The following PDIA2 variants were observed in gnomAD, a reference collection of about 807,000 sequenced individuals.
PDIA2 encodes the protein protein disulfide-isomerase A2.
In PDIA2, 76 loss-of-function variants were observed where a neutral mutation model predicts 51.1. That is an observed-to-expected ratio of 1.49 (90% CI 1.24 to 1.80). The LOEUF (loss-of-function observed/expected upper bound fraction) is 1.80, where lower values mean the gene tolerates loss of function less well. Among genes scored for constraint, PDIA2 ranks in the 40% most tolerant of loss-of-function variants. The pLI is 0.00. For synonymous variants in PDIA2, 429 were observed against 309.9 expected (o/e 1.38, Z -4.04); for missense variants, 946 against 706.5 (o/e 1.34, Z -3.84).
chr16:284,484 G>C lies in PDIA2; in HGVS notation c.297G>C (p.Lys99Asn). 1 of 1,609,166 alleles carries C rather than the reference G, an allele frequency of 6.2e-7. No individual in the cohort carries two copies. The highest frequency in any genetic ancestry group is 8.5e-7 in the Non-Finnish European group (1 of 1,178,548). The change falls in exon 2 of 11, where the codon AAG becomes AAC. Residue 99 changes from lysine to asparagine, a missense_variant. By Grantham distance (94) the Lys-to-Asn change is moderately conservative (BLOSUM62 0). Transcript: ENST00000219406. ...AAESMVVTLAKVDGPAQRELA... is the reference protein window; with the variant it reads ...AAESMVVTLANVDGPAQRELA... Reference sequence around the variant, plus strand: ...AGTCAATGGTGGTCACGCTGGCCAAGGTGGATGGGCCCGCGCAGCGCGAGC... The same window carrying C: ...AGTCAATGGTGGTCACGCTGGCCAACGTGGATGGGCCCGCGCAGCGCGAGC...
At chr16:286,087 CAAACCCCACAGTTCTCCCTCCCCCCACT>C (rs1358513903) in intron 7 of PDIA2, among the ~76,000 whole-genome samples, 11 of 120,138 alleles carry the variant, frequency 9.2e-5, no homozygotes, top group Non-Finnish European at 1.9e-4. Flanking sequence ...CTCCCCCCAC[CAAACCCCACAGTTCTCCCTCCCCCCACT>C]AAACCCCACA....
intron 1 of PDIA2, 111 bp downstream of exon 1, chr16:283,479 C>A (rs1226173832): frequency 8.4e-7 from 1 of 1,186,676 alleles, no homozygotes; most frequent in East Asian, 2.7e-5. Context: ...AGGGGCCTCC[C>A]CGCAGGCACT....
rs432925 is a variant in PDIA2, at chr16:284,580, G to C, written c.393G>C (p.Pro131=). 439,324 of 1,611,126 alleles carry C rather than the reference G, an allele frequency of 0.27. 60,844 individuals are homozygous for C. Among genetic ancestry groups the C allele is most frequent in the Middle Eastern group, 0.34 (2,079 of 6,056 alleles). ...KFFRNGNRTH[P]EEYTGPRDAE... Reference sequence around the variant, plus strand: ...TCCGCAATGGGAACCGCACGCACCCGGAGGAGTACACAGGTGAGGGGCAGG... The same window carrying C: ...TCCGCAATGGGAACCGCACGCACCCCGAGGAGTACACAGGTGAGGGGCAGG... The change falls in exon 2 of 11, where the codon CCG becomes CCC. Residue 131 remains proline (P), a synonymous_variant. Transcript: ENST00000219406.
intron 1 of PDIA2, 32 bp downstream of exon 1, chr16:283,400 G>C: frequency 1.3e-6 from 2 of 1,538,430 alleles, no homozygotes; most frequent in Non-Finnish European, 1.8e-6. Flanking sequence ...GCTGGGGACC[G>C]GCGGGGGACC....
At chr16:283,431 C>A (rs2052312469) in intron 1 of PDIA2, 63 bp downstream of exon 1, 2 of 1,485,154 alleles carry the variant, frequency 1.3e-6, no homozygotes, top group Admixed American at 4.7e-5. Context: ...ACCTGGGGGC[C>A]CCACCCTTTG....
intron 10 of PDIA2, 36 bp from the exon 11 acceptor site, chr16:287,033 A>G (rs773507525): frequency 1.9e-6 from 3 of 1,612,600 alleles, no homozygotes; most frequent in South Asian, 1.1e-5. Context: ...GTAGGCTGGG[A>G]GCAGAGCTTC....
At position 285,020 on chromosome 16, in the gene PDIA2, G is replaced by T. The variant is rs374558860; in HGVS notation, c.678+5G>T. ...ACTGTGGTTCTCTTCAAGAAGGTAG[G>T]TCAGGCCCAGGTGTGGGTTGGGGTC... On this transcript the variant is annotated splice_donor_5th_base_variant and intron_variant, in intron 4 of 10. Transcript: ENST00000219406. 6.2e-6 allele frequency: 10 copies of T among 1,613,202 alleles called. No individual in the cohort carries two copies. The African/African-American group carries it at 1.3e-4, about 22-fold the overall frequency.
At position 286,830 on chromosome 16, in the gene PDIA2, C is replaced by T; in HGVS notation, c.1423-5C>T. ...TGTCCTCCAGATCCCCCTGCCTCTT[C>T]TCAGGTGATTGAATACAAAAGCACC... On this transcript the variant is annotated splice_region_variant and splice_polypyrimidine_tract_variant and intron_variant, in intron 9 of 10. Transcript: ENST00000219406. The T allele has an allele frequency of 4.3e-6, 7 of 1,611,110 alleles. No homozygotes were observed. The highest frequency in any genetic ancestry group is 2.2e-5 in the South Asian group (2 of 90,864).
At chr16:284,122 C>G (rs1280325057) in intron 1 of PDIA2, 6 of 547,228 alleles carry the variant, frequency 1.1e-5, no homozygotes, top group Admixed American at 3.1e-5. Flanking sequence ...CCCGCCTCTG[C>G]CTCCCAAAGT....
At position 285,644 on chromosome 16, in the gene PDIA2, C is replaced by T. The variant is rs768062505; in HGVS notation, c.1060C>T (p.Pro354Ser). The change falls in exon 7 of 11, where the codon CCT (proline) becomes TCT (serine). Residue 354 changes from proline to serine, a missense_variant. Physicochemically the swap from Pro to Ser is moderately conservative, Grantham distance 74. Coordinates refer to ENST00000219406, the MANE Select transcript of PDIA2 (RefSeq NM_006849.4). The part of the protein sequence containing the change: ...TKKYAPVDGG[P>S]VTAASITAFC... ...GAAGTATGCGCCTGTGGATGGGGGC[C>T]CTGTCACCGCAGCGTCCATCACTGC... The T allele has an allele frequency of 3.7e-6, 6 of 1,613,174 alleles. No individual in the cohort carries two copies. The Admixed American group carries it at 8.3e-5, about 22-fold the overall frequency.
chr16:285,941 AACCCCAACCCCAAC>A (rs2052359191), intron 7 of PDIA2, among the ~76,000 whole-genome samples: 2 of 26,474 alleles, frequency 7.6e-5, no homozygotes, highest in Admixed American at 6.4e-4. Flanking sequence ...CCCCAACCCC[AACCCCAACCCCAAC>A]CCCGCGGTTC....
intron 1 of PDIA2, 98 bp from the exon 2 acceptor site, chr16:284,289 A>G (rs746682486): frequency 7.3e-6 from 9 of 1,240,076 alleles, no homozygotes; most frequent in South Asian, 1.3e-5. Context: ...CTCAGGGCAG[A>G]ATGGAGCAGC....
At position 286,563 on chromosome 16, in the gene PDIA2, G is replaced by T. The variant is rs1312771320; in HGVS notation, c.1250G>T (p.Trp417Leu). The T allele has an allele frequency of 6.2e-7, 1 of 1,612,716 alleles. No individual in the cohort carries two copies. The highest frequency in any genetic ancestry group is 2.2e-5 in the East Asian group (1 of 44,824). ...KNVFVKFYAP[W>L]CTHCKEMAPA... Reference sequence around the variant, plus strand: ...ACGGCTCCCATCCTAGATGCCCCGTGGTGCACCCACTGCAAGGAGATGGCC... The same window carrying T: ...ACGGCTCCCATCCTAGATGCCCCGTTGTGCACCCACTGCAAGGAGATGGCC... Residue 417 changes from tryptophan (W) to leucine (L), a missense_variant, in exon 9 of 11, where the codon TGG (tryptophan) becomes TTG (leucine). Transcript: ENST00000219406.
rs1314949423 is a variant in PDIA2, at chr16:286,949, G to T, written c.1533+4G>T. The T allele has an allele frequency of 6.2e-7, 1 of 1,601,204 alleles. No individual in the cohort carries two copies. The highest frequency in any genetic ancestry group is 1.3e-5 in the African/African-American group (1 of 74,242). ...GGAGCCAGCAGCCCCGTTCCCGGTG[G>T]GTGTCCCTAAGCCAGGGCTCCAGGC... On this transcript the variant is annotated splice_donor_region_variant and intron_variant, in intron 10 of 10. Coordinates refer to ENST00000219406, the MANE Select transcript of PDIA2 (RefSeq NM_006849.4).
In PDIA2 at chr16:286,487, G is replaced by A; in HGVS notation, c.1240+14G>A. 3.7e-6 allele frequency: 6 copies of A among 1,613,190 alleles called. No homozygotes were observed. The highest frequency in any genetic ancestry group is 5.1e-6 in the Non-Finnish European group (6 of 1,179,882). On this transcript the variant is annotated intron_variant, in intron 8 of 10. Coordinates refer to ENST00000219406, the MANE Select transcript of PDIA2 (RefSeq NM_006849.4). ...TTGTCAAGTTCTGTGAGTGTTGAGG[G>A]AGGCAGGGGTGGTGTGGGCTGGGCA...
At position 283,340 on chromosome 16, in the gene PDIA2, G is replaced by A. The variant is rs2052310811; in HGVS notation, c.171G>A (p.Arg57=). Reference sequence around the variant, plus strand: ...GCCACACCCTGGGCCTGGCCCTGCGGGAGCACCCTGCCCTGCTGGTGGAAT... The same window carrying A: ...GCCACACCCTGGGCCTGGCCCTGCGAGAGCACCCTGCCCTGCTGGTGGAAT... ...LSRHTLGLAL[R]EHPALLVEFY... The change falls in exon 1 of 11, where the codon CGG becomes CGA. Residue 57 remains arginine, a synonymous_variant. Transcript: ENST00000219406. 3.7e-6 allele frequency: 6 copies of A among 1,607,460 alleles called. No homozygotes were observed. In the East Asian group the frequency reaches 1.3e-4, roughly 36 times the overall value.
chr16:286,212 CCCCCACCGCCCCCCCCACACAG>C (rs2141452045), intron 7 of PDIA2, 119 bp from the exon 8 acceptor site: 1 of 27,720 alleles, frequency 3.6e-5, no homozygotes, highest in Admixed American at 3.2e-4. Context: ...CAGGACCTCC[CCCCCACCGCCCCCCCCACACAG>C]AACCTCCCCC....
Position 284,694 on chromosome 16 carries a change from C to G in PDIA2, c.442C>G (p.Arg148Gly). The part of the protein sequence containing the change: ...RDAEGIAEWL[R>G]RRVGPSAMRL... ...CGCTGAGGGCATTGCCGAGTGGCTGCGACGGCGGGTGGGGCCCAGTGCCAT... is the reference window on the plus strand; with the variant it reads ...CGCTGAGGGCATTGCCGAGTGGCTGGGACGGCGGGTGGGGCCCAGTGCCAT... Residue 148 changes from arginine to glycine, a missense_variant, in exon 3 of 11, where the codon CGA (arginine) becomes GGA (glycine). Transcript: ENST00000219406. The G allele has an allele frequency of 1.3e-6, 2 of 1,583,680 alleles. No homozygotes were observed. The highest frequency in any genetic ancestry group is 8.5e-7 in the Non-Finnish European group (1 of 1,170,000).
chr16:285,233 T>C, intron 5 of PDIA2, 33 bp downstream of exon 5: 1 of 1,612,434 alleles, frequency 6.2e-7, no homozygotes, highest in East Asian at 2.2e-5. Context: ...GCTGGGGGTG[T>C]CCCAGGGTAG....
Sources: allele counts gnomAD v4.1 joint callset (sites outside exome capture counted in the v4.1 genomes callset), GRCh38; gene constraint gnomAD v4.1.1; transcripts MANE v1.5; gene names NCBI Gene and HGNC (gene_info 2026-07-23, HGNC 2026-07-21).